PPARGC1A: variants seen among roughly 807,000 people sequenced by gnomAD.
PPARGC1A encodes PPARG coactivator 1 alpha, also known as peroxisome proliferator-activated receptor gamma coactivator 1-alpha.
In PPARGC1A, 25 loss-of-function variants were observed where a neutral mutation model predicts 88.7. That is an observed-to-expected ratio of 0.28 (90% CI 0.21 to 0.39). The LOEUF (loss-of-function observed/expected upper bound fraction) is 0.39, where lower values mean the gene tolerates loss of function less well. PPARGC1A is among the 10% of genes least tolerant of loss of function. The probability of loss-of-function intolerance (pLI) is 1.00; values close to 1 mark genes in which losing one functional copy is unlikely to be tolerated. For missense variants in PPARGC1A, 880 were observed against 968.7 expected (o/e 0.91, Z 1.22); for synonymous variants, 363 against 355.6 (o/e 1.02, Z -0.24).
At chr4:24,362,525 T>A in the PPARGC1A span, among the ~76,000 whole-genome samples, 1 of 152,278 alleles carries the variant, frequency 6.6e-6, no homozygotes, top group African/African-American at 2.4e-5. Flanking sequence ...GGACTAGTTT[T>A]TTTTTCCTCC....
At chr4:24,412,507 T>C in the PPARGC1A span, among the ~76,000 whole-genome samples, 1 of 152,116 alleles carries the variant, frequency 6.6e-6, no homozygotes, top group Non-Finnish European at 1.5e-5. Flanking sequence ...TGAGATGGAG[T>C]CTCACTCTTG....
the PPARGC1A span, among the ~76,000 whole-genome samples, chr4:24,253,976 A>G: frequency 6.6e-6 from 1 of 152,206 alleles, no homozygotes; most frequent in African/African-American, 2.4e-5. Flanking sequence ...CTGCTCAAAT[A>G]TCTTACTATC....
intron 2 of PPARGC1A, among the ~76,000 whole-genome samples, chr4:23,870,404 A>G (rs1713045688): frequency 6.6e-6 from 1 of 152,170 alleles, no homozygotes; most frequent in Admixed American, 6.5e-5. Context: ...CCCTCAAACT[A>G]AAAGGCCCCA....
the PPARGC1A span, among the ~76,000 whole-genome samples, chr4:24,242,649 A>T: frequency 2.0e-5 from 3 of 152,046 alleles, no homozygotes; most frequent in Non-Finnish European, 4.4e-5. Context: ...TGTCATCTTC[A>T]CCCCCTAAAC....
At chr4:24,032,373 T>C in the PPARGC1A span, among the ~76,000 whole-genome samples, 2 of 152,294 alleles carry the variant, frequency 1.3e-5, no homozygotes, top group East Asian at 1.9e-4. Context: ...TGGTGGCTTA[T>C]GGAGCCTCTT....
At chr4:24,262,487 A>G in the PPARGC1A span, among the ~76,000 whole-genome samples, 1 of 152,100 alleles carries the variant, frequency 6.6e-6, no homozygotes, top group Non-Finnish European at 1.5e-5. Context: ...GAACACATCA[A>G]TTTTTTTAAC....
At chr4:24,165,989 G>C in the PPARGC1A span, among the ~76,000 whole-genome samples, 4 of 152,234 alleles carry the variant, frequency 2.6e-5, no homozygotes, top group Non-Finnish European at 5.9e-5. Flanking sequence ...GGGCTGAAAA[G>C]TAGGCCTCTT....
the PPARGC1A span, among the ~76,000 whole-genome samples, chr4:23,943,620 T>C: frequency 1.3e-5 from 2 of 152,108 alleles, no homozygotes; most frequent in Non-Finnish European, 2.9e-5. Flanking sequence ...CTCTAGAAAG[T>C]GAAATGTAAC....
chr4:24,244,132 T>C, the PPARGC1A span, among the ~76,000 whole-genome samples: 421 of 152,332 alleles, frequency 2.8e-3, 1 homozygote, highest in Non-Finnish European at 4.3e-3. Flanking sequence ...TCACCATTTC[T>C]CTTTCCAATC....
chr4:23,822,965 T>A (rs1490114534), intron 7 of PPARGC1A, among the ~76,000 whole-genome samples: 1 of 152,070 alleles, frequency 6.6e-6, no homozygotes, highest in Non-Finnish European at 1.5e-5. Context: ...GTGGAACATA[T>A]CCAGTAAATA....
chr4:23,871,012 C>T (rs1385551434), intron 2 of PPARGC1A, among the ~76,000 whole-genome samples: 2 of 151,442 alleles, frequency 1.3e-5, no homozygotes, highest in Non-Finnish European at 2.9e-5. Flanking sequence ...GGGTATCATC[C>T]CTTATGCTGA....
chr4:24,046,083 A>C, the PPARGC1A span, among the ~76,000 whole-genome samples: 1 of 152,214 alleles, frequency 6.6e-6, no homozygotes, highest in South Asian at 2.1e-4. Flanking sequence ...ATATAGAGTA[A>C]CAATGTACCC....
At chr4:24,108,578 C>T in the PPARGC1A span, among the ~76,000 whole-genome samples, 291 of 152,196 alleles carry the variant, frequency 1.9e-3, 4 homozygotes, top group Non-Finnish European at 3.7e-4. Flanking sequence ...CCATGGACCA[C>T]GCATTGAATT....
the PPARGC1A span, among the ~76,000 whole-genome samples, chr4:24,231,492 T>A: frequency 9.2e-5 from 14 of 152,152 alleles, no homozygotes; most frequent in Non-Finnish European, 1.6e-4. Context: ...CCAGAGTGAC[T>A]CATCCCAAAG....
chr4:24,430,218 C>A, the PPARGC1A span, among the ~76,000 whole-genome samples: 3 of 151,676 alleles, frequency 2.0e-5, no homozygotes, highest in Non-Finnish European at 4.4e-5. Flanking sequence ...CAACACTAGC[C>A]CTTTCTATGT....
At chr4:24,241,743 C>T in the PPARGC1A span, among the ~76,000 whole-genome samples, 1 of 152,192 alleles carries the variant, frequency 6.6e-6, no homozygotes, top group Admixed American at 6.5e-5. Flanking sequence ...ATCTGTGCAA[C>T]TCCAAACATC....
the PPARGC1A span, among the ~76,000 whole-genome samples, chr4:24,367,591 A>G: frequency 6.6e-6 from 1 of 152,208 alleles, no homozygotes; most frequent in Non-Finnish European, 1.5e-5. Flanking sequence ...TTTAGGAGGA[A>G]CAGTGGGAAG....
the PPARGC1A span, among the ~76,000 whole-genome samples, chr4:24,284,351 CAA>C: frequency 1.3e-5 from 2 of 152,132 alleles, no homozygotes; most frequent in Non-Finnish European, 2.9e-5. Flanking sequence ...AATGCGTACT[CAA>C]AGTCATGACT....
chr4:24,185,417 TAAGA>T, the PPARGC1A span, among the ~76,000 whole-genome samples: 1 of 152,158 alleles, frequency 6.6e-6, no homozygotes, highest in African/African-American at 2.4e-5. Context: ...AAGAAAAAGA[TAAGA>T]TGAGCAGCCT....
Sources: allele counts gnomAD v4.1 joint callset (sites outside exome capture counted in the v4.1 genomes callset), GRCh38; gene constraint gnomAD v4.1.1; transcripts MANE v1.5; gene names NCBI Gene and HGNC (gene_info 2026-07-23, HGNC 2026-07-21).